SHB: variants seen among roughly 807,000 people sequenced by gnomAD.
SHB encodes SH2 domain-containing adapter protein B.
SHB carries 20 observed loss-of-function variants against 52.3 expected under a neutral mutation model. The ratio of observed to expected loss-of-function variants is 0.38; its 90% CI spans 0.27 to 0.56. The LOEUF (loss-of-function observed/expected upper bound fraction) is 0.56, where lower values mean the gene tolerates loss of function less well. Among genes scored for constraint, SHB ranks in the 20% least tolerant of loss-of-function variants. The probability of loss-of-function intolerance (pLI) is 0.71; values close to 1 mark genes in which losing one functional copy is unlikely to be tolerated. For synonymous variants in SHB, 397 were observed against 316.5 expected (o/e 1.25, Z -2.70); for missense variants, 825 against 723.3 (o/e 1.14, Z -1.61).
intron 2 of SHB, among the ~76,000 whole-genome samples, chr9:38,012,708 C>T (rs771808399): frequency 3.3e-5 from 5 of 151,528 alleles, no homozygotes; most frequent in African/African-American, 9.7e-5. Context: ...CTCCAGCCCA[C>T]GCTCCTCCTG....
At chr9:38,049,143 C>G (rs1821701372) in intron 1 of SHB, among the ~76,000 whole-genome samples, 1 of 152,228 alleles carries the variant, frequency 6.6e-6, no homozygotes, top group African/African-American at 2.4e-5. Flanking sequence ...ACCTCAGCCT[C>G]CCAATTAACT....
In SHB at chr9:38,056,579, G is replaced by A. The variant is rs118167043; in HGVS notation, c.717+11350C>T. The stretch of plus-strand genomic sequence containing the variant: ...AATCCTGAGCTCATGTGATCCACCC[G>A]CCTCAGTCTCCCAAAGTACTGGGAT... On this transcript the variant is annotated intron_variant, in intron 1 of 5. Transcript: ENST00000377707. Among the ~76,000 whole-genome samples the A allele has an allele frequency of 2.1e-3, 314 of 152,242 alleles. 2 individuals are homozygous for A. Among genetic ancestry groups the A allele is most frequent in the Non-Finnish European group, 3.6e-3 (243 of 68,016 alleles).
In SHB at chr9:37,919,982, T is replaced by C. The variant is rs1328328629; in HGVS notation, c.1369A>G (p.Met457Val). 1.2e-6 allele frequency: 2 copies of C among 1,614,156 alleles called. No individual in the cohort carries two copies. The highest frequency in any genetic ancestry group is 1.7e-6 in the Non-Finnish European group (2 of 1,179,976). ...TTCTCTTTGGTTTTGGCCAGTTTCA[T>C]GTGCATAAAACCCTGGTTGCTCCTG... ...SLRSNQGFMH[M>V]KLAKTKEKYV... is the part of the protein sequence containing the mutation. Residue 457 changes from methionine (M) to valine (V), a missense_variant, in exon 6 of 6, where the codon ATG becomes GTG. By Grantham distance (21) the Met-to-Val change is conservative (BLOSUM62 1). Transcript: ENST00000377707.
rs1404889195 is a variant in SHB, at chr9:37,921,163, A to T, written c.1347-1159T>A. ...GGATGCTTTAGATTTTCCAAAGCAC[A>T]GTCCACTTTATCGGGTGTCTGTCCC... is the stretch of plus-strand genomic sequence containing the variant. On this transcript the variant is annotated intron_variant, in intron 5 of 5. Transcript: ENST00000377707. Among the ~76,000 whole-genome samples, 4 of 152,328 alleles carry T rather than the reference A, an allele frequency of 2.6e-5. No homozygotes were observed. The East Asian group carries it at 7.7e-4, about 29-fold the overall frequency.
intron 1 of SHB, among the ~76,000 whole-genome samples, chr9:38,033,144 G>C (rs760969364): frequency 2.0e-5 from 3 of 152,324 alleles, no homozygotes; most frequent in Non-Finnish European, 2.9e-5. Flanking sequence ...AGGACTGGAC[G>C]ATCTAAGGAG....
intron 1 of SHB, among the ~76,000 whole-genome samples, chr9:38,052,572 C>T (rs1248821501): frequency 6.6e-6 from 1 of 152,206 alleles, no homozygotes; most frequent in Non-Finnish European, 1.5e-5. Flanking sequence ...ATTTGAGGCC[C>T]TTGGTGCCTC....
intron 5 of SHB, among the ~76,000 whole-genome samples, chr9:37,931,778 G>C (rs964824100): frequency 2.0e-5 from 3 of 152,162 alleles, no homozygotes; most frequent in Non-Finnish European, 2.9e-5. Flanking sequence ...ATCTTGTAAA[G>C]ACATCTGCAC....
intron 1 of SHB, among the ~76,000 whole-genome samples, chr9:38,063,407 C>G (rs1033692463): frequency 6.6e-6 from 1 of 152,262 alleles, no homozygotes; most frequent in Non-Finnish European, 1.5e-5. Context: ...CCCACCACAC[C>G]TGCCCTGCTG....
chr9:37,993,053 G>A (rs926528372), intron 2 of SHB, among the ~76,000 whole-genome samples: 3 of 152,220 alleles, frequency 2.0e-5, no homozygotes, highest in Admixed American at 6.5e-5. Flanking sequence ...AGCGGCAGGC[G>A]AGGTGAGCGA....
chr9:38,045,163 A>C (rs1288436799), intron 1 of SHB, among the ~76,000 whole-genome samples: 1 of 152,256 alleles, frequency 6.6e-6, no homozygotes, highest in Non-Finnish European at 1.5e-5. Flanking sequence ...GAGTCTGGAC[A>C]TGATAGAAGC....
chr9:37,952,291 T>C (rs1341717451), intron 4 of SHB, among the ~76,000 whole-genome samples: 5 of 152,108 alleles, frequency 3.3e-5, no homozygotes, highest in Non-Finnish European at 5.9e-5. Context: ...GGAGATGACA[T>C]GTGGCCTGAG....
At chr9:37,994,288 A>C (rs1444130052) in intron 2 of SHB, among the ~76,000 whole-genome samples, 1 of 152,236 alleles carries the variant, frequency 6.6e-6, no homozygotes, top group Non-Finnish European at 1.5e-5. Flanking sequence ...CAAATAAGTC[A>C]GTAGATATGA....
intron 2 of SHB, among the ~76,000 whole-genome samples, chr9:38,007,999 A>G (rs1268082008): frequency 6.6e-6 from 1 of 152,018 alleles, no homozygotes; most frequent in Admixed American, 6.6e-5. Flanking sequence ...GTTCTCCAAG[A>G]CCAGATTTCT....
At chr9:37,935,994 G>A (rs1832365036) in intron 5 of SHB, among the ~76,000 whole-genome samples, 1 of 151,112 alleles carries the variant, frequency 6.6e-6, no homozygotes. Flanking sequence ...CCTGACGTCA[G>A]GAGTTCGAGA....
At chr9:37,942,818 G>A (rs924375581) in intron 5 of SHB, among the ~76,000 whole-genome samples, 25 of 151,990 alleles carry the variant, frequency 1.6e-4, no homozygotes, top group African/African-American at 5.1e-4. Context: ...CGTGCTGTTC[G>A]CCTTCTGGAC....
intron 5 of SHB, among the ~76,000 whole-genome samples, chr9:37,943,429 G>A (rs931460723): frequency 6.6e-6 from 1 of 152,168 alleles, no homozygotes; most frequent in Non-Finnish European, 1.5e-5. Flanking sequence ...TCATTGGCTG[G>A]GCTGGAGAGG....
chr9:38,065,739 C>A (rs1206634615), intron 1 of SHB, among the ~76,000 whole-genome samples: 1 of 152,196 alleles, frequency 6.6e-6, no homozygotes, highest in Non-Finnish European at 1.5e-5. Flanking sequence ...GATCACAACA[C>A]TCTCGCAGCT....
chr9:38,008,333 G>T (rs766351842), intron 2 of SHB, among the ~76,000 whole-genome samples: 6 of 152,240 alleles, frequency 3.9e-5, no homozygotes, highest in East Asian at 1.9e-4. Context: ...CCACAGCTCT[G>T]CGGGTGAGCA....
At chr9:38,041,585 G>T (rs370313732) in intron 1 of SHB, among the ~76,000 whole-genome samples, 1 of 150,940 alleles carries the variant, frequency 6.6e-6, no homozygotes, top group African/African-American at 2.5e-5. Flanking sequence ...GTTCGGGGAA[G>T]AAAAGGGAGG....
Sources: allele counts gnomAD v4.1 joint callset (sites outside exome capture counted in the v4.1 genomes callset), GRCh38; gene constraint gnomAD v4.1.1; transcripts MANE v1.5; gene names NCBI Gene and HGNC (gene_info 2026-07-23, HGNC 2026-07-21).